ZNF835: variants seen among roughly 807,000 people sequenced by gnomAD.
ZNF835 encodes zinc finger protein 835.
For synonymous variants in ZNF835, 323 were observed against 324.7 expected (o/e 0.99, Z 0.06); for missense variants, 783 against 758.4 (o/e 1.03, Z -0.38).
In ZNF835 at chr19:56,664,338, G is replaced by A. The variant is rs1240508600; in HGVS notation, c.861C>T (p.Phe287=). The change falls in exon 2 of 2, where the codon TTC becomes TTT. Residue 287 remains phenylalanine, a synonymous_variant. Transcript: ENST00000537055. ...PYRCGQCAKA[F]AQIAHLTQHR... ...GCTGGGTCAGGTGCGCGATCTGCGCGAAGGCCTTGGCGCACTGGCCGCAGC... is the reference window on the plus strand; with the variant it reads ...GCTGGGTCAGGTGCGCGATCTGCGCAAAGGCCTTGGCGCACTGGCCGCAGC... 6.2e-7 allele frequency: 1 copy of A among 1,607,290 alleles called. No individual in the cohort carries two copies. Among genetic ancestry groups the A allele is most frequent in the East Asian group, 2.2e-5 (1 of 44,604 alleles).
Position 56,664,447 on chromosome 19 carries a change from T to C in ZNF835, c.752A>G (p.Glu251Gly). 1 of 1,599,304 alleles carries C rather than the reference T, an allele frequency of 6.3e-7. No individual in the cohort carries two copies. Residue 251 changes from glutamate (E) to glycine (G), a missense_variant, in exon 2 of 2, where the codon GAG (glutamate) becomes GGG (glycine). Physicochemically the swap from Glu to Gly is moderately conservative, Grantham distance 98. Transcript: ENST00000537055. ...GAAGGCCTTGGCGCACGCGGAGCAC[T>C]CGTAGGGCTTCTCACCGGTGTGGAT... is the stretch of plus-strand genomic sequence containing the variant. ...QRIHTGEKPY[E>G]CSACAKAFRF...
chr19:56,663,642 T>C lies in ZNF835; in HGVS notation c.1557A>G (p.Gly519=), dbSNP rs1600627721. Reference sequence around the variant, plus strand: ...CAGGGCACCCCTGTTGACAGGTTTCTCCTCCCTGTGAGAGCCCAGGTGTTG... The same window carrying C: ...CAGGGCACCCCTGTTGACAGGTTTCCCCTCCCTGTGAGAGCCCAGGTGTTG... The part of the protein sequence containing the change: ...PDSTPGLSQG[G]ETCQQGCPGR... Residue 519 remains glycine (G), a synonymous_variant, in exon 2 of 2, where the codon GGA becomes GGG. Coordinates refer to ENST00000537055, the MANE Select transcript of ZNF835 (RefSeq NM_001005850.3). The C allele has an allele frequency of 6.2e-7, 1 of 1,614,040 alleles. No individual in the cohort carries two copies. The highest frequency in any genetic ancestry group is 1.3e-5 in the African/African-American group (1 of 75,058).
chr19:56,664,168 G>A lies in ZNF835; in HGVS notation c.1031C>T (p.Thr344Ile), dbSNP rs1568523390. ...GTGCTGCGTCAGGTGCGACACCTGGGTGAAGGCCTTGGCGCACTGGCCGCA... is the reference window on the plus strand; with the variant it reads ...GTGCTGCGTCAGGTGCGACACCTGGATGAAGGCCTTGGCGCACTGGCCGCA... ...YACGQCAKAFTQVSHLTQHQR... is the reference protein window; with the variant it reads ...YACGQCAKAFIQVSHLTQHQR... Residue 344 changes from threonine to isoleucine, a missense_variant, in exon 2 of 2, where the codon ACC becomes ATC. Physicochemically the swap from Thr to Ile is moderately conservative, Grantham distance 89. Transcript: ENST00000537055. 1 of 1,607,680 alleles carries A rather than the reference G, an allele frequency of 6.2e-7. No homozygotes were observed. Among genetic ancestry groups the A allele is most frequent in the Non-Finnish European group, 8.5e-7 (1 of 1,176,558 alleles).
At position 56,663,855 on chromosome 19, in the gene ZNF835, G is replaced by C; in HGVS notation, c.1344C>G (p.Cys448Trp). ...RTHTGERPYTCPECGKAFSNR... is the reference protein window; with the variant it reads ...RTHTGERPYTWPECGKAFSNR... ...TGCTGAAGGCCTTGCCGCACTCGGG[G>C]CAGGTGTAGGGCCGCTCGCCCGTGT... The change falls in exon 2 of 2, where the codon TGC (cysteine) becomes TGG (tryptophan). Residue 448 changes from cysteine (C) to tryptophan (W), a missense_variant. Transcript: ENST00000537055. 6.2e-7 allele frequency: 1 copy of C among 1,613,628 alleles called. No homozygotes were observed. Among genetic ancestry groups the C allele is most frequent in the Non-Finnish European group, 8.5e-7 (1 of 1,179,940 alleles).
Position 56,663,482 on chromosome 19 carries a change from G to T in ZNF835, c.*103C>A. ...TTCCCCACTGTGTGCCCTCAGGCAAGTTAACAAGCTTCTCTGAGCCTCGGT... is the reference window on the plus strand; with the variant it reads ...TTCCCCACTGTGTGCCCTCAGGCAATTTAACAAGCTTCTCTGAGCCTCGGT... On this transcript the variant is annotated 3_prime_UTR_variant, in exon 2 of 2. Coordinates refer to ENST00000537055, the MANE Select transcript of ZNF835 (RefSeq NM_001005850.3). The T allele has an allele frequency of 6.6e-7, 1 of 1,507,434 alleles. No individual in the cohort carries two copies. Among genetic ancestry groups the T allele is most frequent in the Non-Finnish European group, 9.0e-7 (1 of 1,112,286 alleles). The allele number at this position is 1,507,434 out of a possible 1,614,324, so 93.4% of individuals were successfully genotyped here. A position where few individuals can be genotyped will look rare whatever the true frequency, so the allele number is the denominator to read the frequency against.
At position 56,671,738 on chromosome 19, in the gene ZNF835, C is replaced by A. The variant is rs1315661516; in HGVS notation, c.-210G>T. ...GCTAAGGTCAAGACTTCTGCTGCTG[C>A]GGAGGAGCCCGCGCACCAGGCCGGG... is the stretch of plus-strand genomic sequence containing the variant. On this transcript the variant is annotated 5_prime_UTR_variant, in exon 1 of 2. Transcript: ENST00000537055. 2.6e-5 allele frequency: 4 copies of A among 152,310 alleles called. No homozygotes were observed. Among genetic ancestry groups the A allele is most frequent in the African/African-American group, 4.8e-5 (2 of 41,476 alleles). The allele number at this position is 152,310 out of a possible 1,614,324, so 9.4% of individuals were successfully genotyped here.
At position 56,665,119 on chromosome 19, in the gene ZNF835, A is replaced by G. The variant is rs764513830; in HGVS notation, c.80T>C (p.Leu27Pro). The G allele has an allele frequency of 8.1e-6, 13 of 1,613,912 alleles. No individual in the cohort carries two copies. The highest frequency in any genetic ancestry group is 1.7e-5 in the Admixed American group (1 of 60,008). Residue 27 changes from leucine (L) to proline (P), a missense_variant, in exon 2 of 2, where the codon CTG (leucine) becomes CCG (proline). Physicochemically the swap from Leu to Pro is moderately conservative, Grantham distance 98. Transcript: ENST00000537055. ...TGGACAGCTTTCCTGGTTTTCCTGCAGGTCCTCAACCTGGCCCTCGTGTTT... is the reference window on the plus strand; with the variant it reads ...TGGACAGCTTTCCTGGTTTTCCTGCGGGTCCTCAACCTGGCCCTCGTGTTT... The part of the protein sequence containing the change: ...NWKHEGQVED[L>P]QENQESCPEP...
At chr19:56,665,483 T>C (rs763194774) in intron 1 of ZNF835, 8 of 667,612 alleles carry the variant, frequency 1.2e-5, no homozygotes, top group Admixed American at 7.2e-5. Context: ...AACCCCTGAG[T>C]TGTAACAATG....
In ZNF835 at chr19:56,664,458, C is replaced by T. The variant is rs1395300217; in HGVS notation, c.741G>A (p.Glu247=). Residue 247 remains glutamate, a synonymous_variant, in exon 2 of 2, where the codon GAG becomes GAA. Transcript: ENST00000537055. ...LIEHQRIHTG[E]KPYECSACAK... ...CGCACGCGGAGCACTCGTAGGGCTTCTCACCGGTGTGGATGCGCTGGTGCT... is the reference window on the plus strand; with the variant it reads ...CGCACGCGGAGCACTCGTAGGGCTTTTCACCGGTGTGGATGCGCTGGTGCT... 1 of 1,612,776 alleles carries T rather than the reference C, an allele frequency of 6.2e-7. No homozygotes were observed. The highest frequency in any genetic ancestry group is 8.5e-7 in the Non-Finnish European group (1 of 1,179,372).
rs1179485210 is a variant in ZNF835 at position 56,666,671 on chromosome 19, C to T, written c.-47-1426G>A. On this transcript the variant is annotated intron_variant, in intron 1 of 1. Coordinates refer to ENST00000537055, the MANE Select transcript of ZNF835 (RefSeq NM_001005850.3). ...ACAGTTTTCTTTTCTGGGGAAAAATCAGTTGAAACTTTAATTCCCAGTGTG... is the reference window on the plus strand; with the variant it reads ...ACAGTTTTCTTTTCTGGGGAAAAATTAGTTGAAACTTTAATTCCCAGTGTG... Among the ~76,000 whole-genome samples, 3 of 152,294 alleles carry T rather than the reference C, an allele frequency of 2.0e-5. No individual in the cohort carries two copies. In the South Asian group the frequency reaches 6.2e-4, roughly 32 times the overall value.
chr19:56,667,699 T>C (rs79416593), intron 1 of ZNF835, among the ~76,000 whole-genome samples: 16,113 of 152,264 alleles, frequency 0.11, 1,473 homozygotes, highest in African/African-American at 0.25. Flanking sequence ...ACTTCCTGTG[T>C]GAGATCCTAA....
Position 56,665,106 on chromosome 19 carries a change from C to T in ZNF835, c.93G>A (p.Gln31=). The T allele has an allele frequency of 6.2e-7, 1 of 1,614,048 alleles. No individual in the cohort carries two copies. Among genetic ancestry groups the T allele is most frequent in the South Asian group, 1.1e-5 (1 of 91,090 alleles). ...CGGCCTCTGGCTCTGGACAGCTTTC[C>T]TGGTTTTCCTGCAGGTCCTCAACCT... is the stretch of plus-strand genomic sequence containing the variant. The part of the protein sequence containing the change: ...EGQVEDLQEN[Q]ESCPEPEAVA... The change falls in exon 2 of 2, where the codon CAG becomes CAA. Residue 31 remains glutamine, a synonymous_variant. Coordinates refer to ENST00000537055, the MANE Select transcript of ZNF835 (RefSeq NM_001005850.3).
intron 1 of ZNF835, among the ~76,000 whole-genome samples, chr19:56,668,580 TCCC>T (rs1168296905): frequency 9.9e-5 from 15 of 151,966 alleles, no homozygotes; most frequent in African/African-American, 3.6e-4. Flanking sequence ...GACATGCTCT[TCCC>T]GCAGCGTGTG....
chr19:56,670,636 A>G (rs891032923), intron 1 of ZNF835, among the ~76,000 whole-genome samples: 2 of 152,226 alleles, frequency 1.3e-5, no homozygotes, highest in Non-Finnish European at 1.5e-5. Flanking sequence ...CATTACTGGG[A>G]CACACCCACA....
rs370279557 is a variant in ZNF835 at position 56,665,294 on chromosome 19, G to C, written c.-47-49C>G. 2.3e-5 allele frequency: 36 copies of C among 1,535,330 alleles called. No homozygotes were observed. The South Asian group carries it at 3.1e-4, about 13-fold the overall frequency. On this transcript the variant is annotated intron_variant, in intron 1 of 1. Coordinates refer to ENST00000537055, the MANE Select transcript of ZNF835 (RefSeq NM_001005850.3). ...AAAATTAAATGTTGCCACTTGTCCT[G>C]AGCTGGAAAAATGGCTAACAGCTGA...
chr19:56,664,153 A>C lies in ZNF835; in HGVS notation c.1046T>G (p.Leu349Arg), dbSNP rs373960664. 29 of 1,611,380 alleles carry C rather than the reference A, an allele frequency of 1.8e-5. No individual in the cohort carries two copies. Among genetic ancestry groups the C allele is most frequent in the Non-Finnish European group, 2.1e-5 (25 of 1,179,380 alleles). ...CAKAFTQVSH[L>R]TQHQRTHTGE... ...GGTGTGCGTGCGCTGGTGCTGCGTC[A>C]GGTGCGACACCTGGGTGAAGGCCTT... The change falls in exon 2 of 2, where the codon CTG becomes CGG. Residue 349 changes from leucine to arginine, a missense_variant. Leu to Arg is a moderately radical substitution (Grantham distance 102). Transcript: ENST00000537055.
chr19:56,663,945 G>A lies in ZNF835; in HGVS notation c.1254C>T (p.Tyr418=), dbSNP rs2045211783. 6.2e-7 allele frequency: 1 copy of A among 1,612,926 alleles called. No homozygotes were observed. Among genetic ancestry groups the A allele is most frequent in the Admixed American group, 1.7e-5 (1 of 59,976 alleles). Residue 418 remains tyrosine (Y), a synonymous_variant, in exon 2 of 2, where the codon TAC becomes TAT. Transcript: ENST00000537055. ...HQKIHTGERP[Y]KCGECGKAFS... ...AAGCTTTGCCGCACTCGCCGCACTT[G>A]TAGGGCCGCTCTCCGGTGTGGATCT... is the stretch of plus-strand genomic sequence containing the variant.
intron 1 of ZNF835, among the ~76,000 whole-genome samples, chr19:56,666,170 A>G (rs975672442): frequency 6.6e-6 from 1 of 151,982 alleles, no homozygotes; most frequent in Non-Finnish European, 1.5e-5. Context: ...GCTGGAGCAC[A>G]GTCTTGGCTC....
chr19:56,670,439 C>T (rs1023011063), intron 1 of ZNF835, among the ~76,000 whole-genome samples: 2 of 152,078 alleles, frequency 1.3e-5, no homozygotes, highest in South Asian at 2.1e-4. Context: ...GACACACAGT[C>T]GCCCTCCTAA....
Sources: allele counts gnomAD v4.1 joint callset (sites outside exome capture counted in the v4.1 genomes callset), GRCh38; gene constraint gnomAD v4.1.1; transcripts MANE v1.5; gene names NCBI Gene and HGNC (gene_info 2026-07-23, HGNC 2026-07-21).